Variants in CNTN3 observed in about 807,000 individuals in gnomAD.
The protein encoded by CNTN3 is contactin-3.
In CNTN3, 60 loss-of-function variants were observed where a neutral mutation model predicts 119.1. The observed-to-expected ratio is 0.50, with a 90% CI of 0.41 to 0.62. The LOEUF (loss-of-function observed/expected upper bound fraction) is 0.62, where lower values mean the gene tolerates loss of function less well. Ranked by LOEUF, CNTN3 falls within the 20% of genes least tolerant of loss-of-function variation. CNTN3 has a pLI of 0.00. For missense variants in CNTN3, 1,101 were observed against 1,242.4 expected, an observed-to-expected ratio of 0.89 and a Z score of 1.71; for synonymous variants, 450 against 438.7, an observed-to-expected ratio of 1.03 and a Z score of -0.32.
chr3:74,301,675 G>A lies in CNTN3; in HGVS notation c.1917C>T (p.Phe639=). The change falls in exon 15 of 23, where the codon TTC becomes TTT. Residue 639 remains phenylalanine (F), a synonymous_variant. Transcript: ENST00000263665. The part of the protein sequence containing the change: ...ISYSIQARTP[F]SVGWQTVTTV... Reference sequence around the variant, plus strand: ...TTGTGACGGTTTGCCAACCCACGGAGAAAGGTGTCCGAGCCTGGATAGAAT... The same window carrying A: ...TTGTGACGGTTTGCCAACCCACGGAAAAAGGTGTCCGAGCCTGGATAGAAT... 1 of 1,614,056 alleles carries A rather than the reference G, an allele frequency of 6.2e-7. No individual in the cohort carries two copies. Among genetic ancestry groups the A allele is most frequent in the Non-Finnish European group, 8.5e-7 (1 of 1,179,970 alleles).
At chr3:74,470,112 T>C (rs1333492252) in intron 4 of CNTN3, among the ~76,000 whole-genome samples, 1 of 152,080 alleles carries the variant, frequency 6.6e-6, no homozygotes, top group Non-Finnish European at 1.5e-5. Flanking sequence ...TCCGTGTATA[T>C]AAAATGTCCA....
chr3:74,502,903 T>G (rs1434250024), intron 2 of CNTN3, among the ~76,000 whole-genome samples: 1 of 152,196 alleles, frequency 6.6e-6, no homozygotes, highest in African/African-American at 2.4e-5. Flanking sequence ...TTTATTTGTA[T>G]CGAATTCATT....
chr3:74,336,503 T>C, intron 12 of CNTN3, 28 bp downstream of exon 12: 2 of 1,608,490 alleles, frequency 1.2e-6, no homozygotes, highest in Non-Finnish European at 1.7e-6. Context: ...AATCCGTATG[T>C]AAAGCAATAT....
chr3:74,594,433 T>A (rs1218631823), intron 1 of CNTN3, among the ~76,000 whole-genome samples: 1 of 151,804 alleles, frequency 6.6e-6, no homozygotes, highest in East Asian at 1.9e-4. Flanking sequence ...CCTAATGCTA[T>A]CCCTCCCCTC....
At chr3:74,351,175 A>C (rs1043388818) in intron 11 of CNTN3, among the ~76,000 whole-genome samples, 1 of 152,254 alleles carries the variant, frequency 6.6e-6, no homozygotes, top group Non-Finnish European at 1.5e-5. Context: ...CAGAGAAGTC[A>C]TTATAGCAGA....
chr3:74,345,411 GT>G (rs762989908), intron 11 of CNTN3, among the ~76,000 whole-genome samples: 7 of 152,094 alleles, frequency 4.6e-5, no homozygotes, highest in Non-Finnish European at 8.8e-5. Flanking sequence ...TGTATCTCAG[GT>G]TTTTGATTCT....
intron 1 of CNTN3, among the ~76,000 whole-genome samples, chr3:74,609,062 A>C (rs2106715861): frequency 6.6e-6 from 1 of 152,300 alleles, no homozygotes; most frequent in South Asian, 2.1e-4. Flanking sequence ...CACGGGAATA[A>C]GGAGAGTGGA....
At chr3:74,552,896 C>A (rs946214283) in intron 1 of CNTN3, among the ~76,000 whole-genome samples, 3 of 152,156 alleles carry the variant, frequency 2.0e-5, no homozygotes, top group Non-Finnish European at 2.9e-5. Context: ...TCCTGAGTCC[C>A]CCCAGGCCAT....
At chr3:74,316,894 C>T (rs745582810) in intron 13 of CNTN3, among the ~76,000 whole-genome samples, 25 of 150,900 alleles carry the variant, frequency 1.7e-4, no homozygotes, top group Non-Finnish European at 3.4e-4. Context: ...CACCACTGCA[C>T]TCCAGCCTGG....
chr3:74,387,935 T>C (rs1214100641), intron 5 of CNTN3, among the ~76,000 whole-genome samples: 1 of 152,234 alleles, frequency 6.6e-6, no homozygotes, highest in Non-Finnish European at 1.5e-5. Flanking sequence ...AACTCATCTA[T>C]AAAATGGGAC....
chr3:74,438,448 T>A (rs1701907948), intron 4 of CNTN3, among the ~76,000 whole-genome samples: 1 of 152,240 alleles, frequency 6.6e-6, no homozygotes, highest in African/African-American at 2.4e-5. Context: ...AGCATGTTGC[T>A]CCCTTTCTCT....
chr3:74,503,253 CCAA>C (rs1703196908), intron 2 of CNTN3, among the ~76,000 whole-genome samples: 1 of 152,114 alleles, frequency 6.6e-6, no homozygotes, highest in Admixed American at 6.6e-5. Context: ...TGAAAATTAA[CCAA>C]CAGCCTGCTT....
chr3:74,367,834 A>C (rs998194047), intron 8 of CNTN3, among the ~76,000 whole-genome samples: 15 of 152,208 alleles, frequency 9.9e-5, no homozygotes, highest in African/African-American at 3.6e-4. Context: ...ACATTAATAC[A>C]GTTGGAATAT....
intron 11 of CNTN3, among the ~76,000 whole-genome samples, chr3:74,338,252 T>C (rs1028964959): frequency 2.0e-5 from 3 of 152,008 alleles, no homozygotes; most frequent in Admixed American, 6.6e-5. Flanking sequence ...CTGAGGACAT[T>C]AGACTAGAAT....
chr3:74,402,352 C>A (rs11927530), intron 5 of CNTN3, among the ~76,000 whole-genome samples: 44,641 of 151,970 alleles, frequency 0.29, 7,330 homozygotes, highest in Middle Eastern at 0.38. Context: ...TAGTAGCCCA[C>A]CAAATTAAAT....
chr3:74,502,040 A>G (rs1464831284), intron 2 of CNTN3, among the ~76,000 whole-genome samples: 1 of 152,160 alleles, frequency 6.6e-6, no homozygotes, highest in Non-Finnish European at 1.5e-5. Flanking sequence ...ATATTTGTAA[A>G]TATAGTGAAC....
chr3:74,570,594 A>G (rs946538021), intron 1 of CNTN3, among the ~76,000 whole-genome samples: 2 of 152,116 alleles, frequency 1.3e-5, no homozygotes, highest in African/African-American at 2.4e-5. Context: ...TGCCCTAGAG[A>G]ATACAGACTG....
rs71129747 is a variant in CNTN3 at position 74,414,877 on chromosome 3, CT to C, written c.454+9967del. Among the ~76,000 whole-genome samples, 1,107 of 117,104 alleles carry C rather than the reference CT, an allele frequency of 9.5e-3. 5 individuals are homozygous for C. The highest frequency in any genetic ancestry group is 0.027 in the African/African-American group (833 of 31,278). 76.8% of individuals were successfully genotyped at this position (117,104 alleles called of 152,430 possible). A position where few individuals can be genotyped will look rare whatever the true frequency, so the allele number is the denominator to read the frequency against. The stretch of plus-strand genomic sequence containing the variant: ...GATCTCACCTGGTGTTTCCTATAGT[CT>C]TTTTTTTTTTTTTTTTTTTGACCAA... On this transcript the variant is annotated intron_variant, in intron 5 of 22. Transcript: ENST00000263665.
In CNTN3 at chr3:74,539,472, C is replaced by T. The variant is rs142798259; in HGVS notation, c.-80-18280G>A. 2.6e-3 allele frequency among the ~76,000 whole-genome samples: 392 copies of T among 152,148 alleles called. 3 individuals are homozygous for T. The highest frequency in any genetic ancestry group is 9.0e-3 in the African/African-American group (372 of 41,522). ...CAATAAAGTGATTTGCCCACCATCA[C>T]CAAGCTTCTAGAGTCTACTCCAGTG... On this transcript the variant is annotated intron_variant, in intron 1 of 22. Transcript: ENST00000263665.
Sources: gnomAD v4.1 joint callset for allele counts (sites outside exome capture counted in the v4.1 genomes callset) on GRCh38, gnomAD v4.1.1 for gene constraint, MANE v1.5 for transcripts, NCBI Gene and HGNC (gene_info 2026-07-23, HGNC 2026-07-21) for gene names.